CDH4: variants seen among roughly 807,000 people sequenced by gnomAD.
CDH4 encodes cadherin 4, also known as cadherin-4.
A neutral mutation model predicts 86.0 loss-of-function variants in CDH4; 33 were observed. That is an observed-to-expected ratio of 0.38 (90% CI 0.29 to 0.51). The LOEUF (loss-of-function observed/expected upper bound fraction) is 0.51. Among genes scored for constraint, CDH4 ranks in the 20% least tolerant of loss-of-function variants. CDH4 has a pLI of 0.86. For synonymous variants in CDH4, 555 were observed against 549.4 expected (o/e 1.01, Z -0.14); for missense variants, 1,114 against 1,307.4 (o/e 0.85, Z 2.28).
At chr20:61,525,827 C>T (rs1042712730) in intron 2 of CDH4, among the ~76,000 whole-genome samples, 78 of 152,178 alleles carry the variant, frequency 5.1e-4, no homozygotes, top group Non-Finnish European at 1.0e-3. Flanking sequence ...TGTCTTAAGT[C>T]TCCCAGCTGC....
At chr20:61,647,132 G>A (rs2087069355) in intron 2 of CDH4, among the ~76,000 whole-genome samples, 1 of 152,220 alleles carries the variant, frequency 6.6e-6, no homozygotes, top group Non-Finnish European at 1.5e-5. Flanking sequence ...GTTTAGGGAA[G>A]GAGATGCCTC....
chr20:61,527,485 A>G (rs1600730945), intron 2 of CDH4, among the ~76,000 whole-genome samples: 1 of 152,150 alleles, frequency 6.6e-6, no homozygotes, highest in Non-Finnish European at 1.5e-5. Context: ...CCTGACCTCA[A>G]TTGATCTACC....
intron 2 of CDH4, among the ~76,000 whole-genome samples, chr20:61,283,430 G>A (rs1266320034): frequency 1.4e-5 from 2 of 138,892 alleles, no homozygotes; most frequent in African/African-American, 2.7e-5. Context: ...GTTTGCACGC[G>A]TGTGCTGTGG....
At chr20:61,799,675 G>A (rs1181026596) in intron 4 of CDH4, among the ~76,000 whole-genome samples, 1 of 152,212 alleles carries the variant, frequency 6.6e-6, no homozygotes, top group Non-Finnish European at 1.5e-5. Context: ...ACAAAGGGCT[G>A]TTGAGCTGGG....
chr20:61,320,550 A>T (rs772083456), intron 2 of CDH4, among the ~76,000 whole-genome samples: 2 of 152,006 alleles, frequency 1.3e-5, no homozygotes, highest in African/African-American at 2.4e-5. Context: ...TTCTGCCCCC[A>T]GAGAGCACTT....
At chr20:61,770,894 AAAC>A (rs1219936152) in intron 3 of CDH4, among the ~76,000 whole-genome samples, 1 of 151,960 alleles carries the variant, frequency 6.6e-6, no homozygotes, top group African/African-American at 2.4e-5. Flanking sequence ...AAAAAAAAAA[AAAC>A]ACAGAAAGGT....
At chr20:61,815,229 C>T (rs1980652353) in intron 4 of CDH4, among the ~76,000 whole-genome samples, 1 of 152,164 alleles carries the variant, frequency 6.6e-6, no homozygotes. Context: ...ACCCCAAGGC[C>T]ACGATCACAG....
intron 2 of CDH4, among the ~76,000 whole-genome samples, chr20:61,530,930 A>AG (rs1187549213): frequency 6.6e-6 from 1 of 152,202 alleles, no homozygotes; most frequent in African/African-American, 2.4e-5. Context: ...AGCTGCTCCG[A>AG]GGCCCTGGCT....
At chr20:61,538,109 C>T (rs906196642) in intron 2 of CDH4, among the ~76,000 whole-genome samples, 10 of 152,120 alleles carry the variant, frequency 6.6e-5, no homozygotes, top group African/African-American at 1.4e-4. Context: ...AGGAGCTGTC[C>T]GAGAGGCCAA....
chr20:61,463,849 T>C (rs2145561614), intron 2 of CDH4, among the ~76,000 whole-genome samples: 1 of 152,080 alleles, frequency 6.6e-6, no homozygotes, highest in East Asian at 1.9e-4. Flanking sequence ...AGGAAGGTGG[T>C]TTGTGATTAG....
At chr20:61,693,833 C>T (rs1314264628) in intron 2 of CDH4, among the ~76,000 whole-genome samples, 1 of 150,726 alleles carries the variant, frequency 6.6e-6, no homozygotes, top group African/African-American at 2.4e-5. Context: ...TTGTCACTCA[C>T]AGCTCCAAGT....
chr20:61,729,176 G>A (rs2088149115), intron 2 of CDH4, among the ~76,000 whole-genome samples: 1 of 152,192 alleles, frequency 6.6e-6, no homozygotes, highest in South Asian at 2.1e-4. Flanking sequence ...TCGGTGCATG[G>A]CGCATTGGTG....
chr20:61,554,835 T>C (rs961028884), intron 2 of CDH4, among the ~76,000 whole-genome samples: 1 of 152,172 alleles, frequency 6.6e-6, no homozygotes, highest in Non-Finnish European at 1.5e-5. Flanking sequence ...TATGTTCGCA[T>C]CTGTGCATGT....
intron 2 of CDH4, among the ~76,000 whole-genome samples, chr20:61,428,933 T>C (rs1039364973): frequency 8.5e-5 from 13 of 152,182 alleles, no homozygotes; most frequent in Non-Finnish European, 5.9e-5. Flanking sequence ...AGTGCATATG[T>C]CTCCCTCTGC....
intron 4 of CDH4, among the ~76,000 whole-genome samples, chr20:61,817,505 T>G (rs1048266891): frequency 6.6e-6 from 1 of 152,134 alleles, no homozygotes; most frequent in Non-Finnish European, 1.5e-5. Context: ...GCTTTTTTTT[T>G]TATTTTTATT....
chr20:61,889,619 A>ATGAATGAGTTAG (rs1984713097), intron 7 of CDH4, among the ~76,000 whole-genome samples: 1 of 11,876 alleles, frequency 8.4e-5, no homozygotes, highest in Non-Finnish European at 2.3e-4. Flanking sequence ...TGGATAGATG[A>ATGAATGAGTTAG]TGGATGGATG....
At chr20:61,275,395 T>TG (rs1404769684) in intron 2 of CDH4, among the ~76,000 whole-genome samples, 4 of 53,688 alleles carry the variant, frequency 7.5e-5, no homozygotes, top group East Asian at 6.2e-4. Context: ...GTGTGCAGTT[T>TG]GGGGAGTACC....
At chr20:61,491,401 G>A (rs1189034366) in intron 2 of CDH4, among the ~76,000 whole-genome samples, 1 of 152,208 alleles carries the variant, frequency 6.6e-6, no homozygotes, top group African/African-American at 2.4e-5. Context: ...TGAGCAGGCT[G>A]TGTATGACTC....
intron 2 of CDH4, among the ~76,000 whole-genome samples, chr20:61,498,734 C>T (rs551654117): frequency 1.3e-5 from 2 of 152,108 alleles, no homozygotes; most frequent in Admixed American, 6.5e-5. Context: ...ATAAAATACA[C>T]TAAAGATAGC....
Sources: allele counts gnomAD v4.1 joint callset (sites outside exome capture counted in the v4.1 genomes callset), GRCh38; gene constraint gnomAD v4.1.1; transcripts MANE v1.5; gene names NCBI Gene and HGNC (gene_info 2026-07-23, HGNC 2026-07-21).